The following RIMS1 variants were observed in gnomAD, a reference collection of about 807,000 sequenced individuals.
RIMS1 encodes regulating synaptic membrane exocytosis 1.
Under a neutral mutation model 214.1 loss-of-function variants are expected in RIMS1, and 83 were observed. The observed-to-expected ratio is 0.39, with a 90% confidence interval of 0.32 to 0.47. The LOEUF (loss-of-function observed/expected upper bound fraction) is 0.47, where lower values mean the gene tolerates loss of function less well. RIMS1 is among the 20% of genes least tolerant of loss of function. The probability of loss-of-function intolerance (pLI) is 0.99; values close to 1 mark genes in which losing one functional copy is unlikely to be tolerated. For missense variants in RIMS1, 2,050 were observed against 2,161.8 expected (o/e 0.95, Z 1.03); for synonymous variants, 793 against 786.8 (o/e 1.01, Z -0.13).
intron 2 of RIMS1, among the ~76,000 whole-genome samples, chr6:72,009,360 C>G (rs1230168569): frequency 6.6e-6 from 1 of 152,062 alleles, no homozygotes; most frequent in Admixed American, 6.5e-5. Flanking sequence ...TAAATGCCCA[C>G]AAGAGAAAGC....
intron 6 of RIMS1, among the ~76,000 whole-genome samples, chr6:72,227,446 T>C (rs989838643): frequency 6.6e-6 from 1 of 151,644 alleles, no homozygotes; most frequent in Admixed American, 6.6e-5. Flanking sequence ...ACCTTCTGAG[T>C]CGAATGACTG....
chr6:71,903,762 T>TG (rs1774457087), intron 1 of RIMS1, among the ~76,000 whole-genome samples: 2 of 149,058 alleles, frequency 1.3e-5, no homozygotes, highest in African/African-American at 5.1e-5. Context: ...GTGTGTGTGT[T>TG]TTTTTTTTCC....
chr6:72,076,575 A>G (rs1201042251), intron 2 of RIMS1, among the ~76,000 whole-genome samples: 1 of 152,164 alleles, frequency 6.6e-6, no homozygotes, highest in African/African-American at 2.4e-5. Flanking sequence ...TCTGGGTTCA[A>G]TTTAACATTT....
At chr6:72,143,850 TAAAGCCCC>T (rs1223275527) in intron 4 of RIMS1, among the ~76,000 whole-genome samples, 3 of 152,220 alleles carry the variant, frequency 2.0e-5, no homozygotes, top group Non-Finnish European at 4.4e-5. Context: ...CATTACTGCA[TAAAGCCCC>T]ATTTCTTGAA....
chr6:72,213,040 A>C, intron 6 of RIMS1: 1 of 1,527,808 alleles, frequency 6.5e-7, no homozygotes, highest in South Asian at 1.2e-5. Context: ...CACTCTTCTT[A>C]GATAAGATCT....
At chr6:71,978,625 T>C (rs1192553240) in intron 2 of RIMS1, among the ~76,000 whole-genome samples, 3 of 152,102 alleles carry the variant, frequency 2.0e-5, no homozygotes, top group Admixed American at 1.3e-4. Context: ...TAGTCATATA[T>C]TTTATCATGA....
intron 2 of RIMS1, among the ~76,000 whole-genome samples, chr6:72,022,470 G>A (rs368521301): frequency 2.0e-4 from 30 of 152,152 alleles, no homozygotes; most frequent in African/African-American, 6.7e-4. Flanking sequence ...AATACATTAG[G>A]TACATTTATA....
chr6:72,268,738 G>A (rs901380494), intron 22 of RIMS1, among the ~76,000 whole-genome samples: 1 of 152,152 alleles, frequency 6.6e-6, no homozygotes, highest in Non-Finnish European at 1.5e-5. Flanking sequence ...AAAGGAAACC[G>A]TTTTAGTTTA....
At chr6:71,942,308 C>T (rs1370064149) in intron 1 of RIMS1, among the ~76,000 whole-genome samples, 1 of 152,106 alleles carries the variant, frequency 6.6e-6, no homozygotes, top group African/African-American at 2.4e-5. Context: ...TGCTTAAATC[C>T]TCCCTTGACT....
At chr6:72,148,386 A>T (rs1345529050) in intron 4 of RIMS1, among the ~76,000 whole-genome samples, 1 of 151,188 alleles carries the variant, frequency 6.6e-6, no homozygotes, top group Admixed American at 6.6e-5. Flanking sequence ...AGAGGGGGAG[A>T]AAAAAAAAGA....
At chr6:72,104,459 ACAGG>A (rs1365670623) in intron 4 of RIMS1, among the ~76,000 whole-genome samples, 7 of 152,182 alleles carry the variant, frequency 4.6e-5, no homozygotes, top group African/African-American at 1.7e-4. Flanking sequence ...GATTTCATGG[ACAGG>A]GAGCTCCTGA....
rs555846309 is a variant in RIMS1 at position 72,257,943 on chromosome 6, G to T, written c.2771-182G>T. Among the ~76,000 whole-genome samples the T allele has an allele frequency of 1.4e-3, 213 of 152,262 alleles. 2 individuals carry two copies. Among genetic ancestry groups the T allele is most frequent in the African/African-American group, 4.6e-3 (193 of 41,546 alleles). On this transcript the variant is annotated intron_variant, in intron 16 of 33. Coordinates refer to ENST00000521978, the MANE Select transcript of RIMS1 (RefSeq NM_014989.7). ...AAAACTGTAACCTGTTTCAATGCAT[G>T]TATATGTTACACTCTGTGTAGGTAT...
chr6:72,146,937 T>C (rs755108117), intron 4 of RIMS1, among the ~76,000 whole-genome samples: 4 of 151,882 alleles, frequency 2.6e-5, no homozygotes, highest in East Asian at 2.0e-4. Context: ...TCTGACTCTT[T>C]CCAGCATAAT....
At chr6:72,271,639 A>G (rs1176166421) in intron 22 of RIMS1, among the ~76,000 whole-genome samples, 2 of 152,104 alleles carry the variant, frequency 1.3e-5, no homozygotes, top group Admixed American at 6.6e-5. Context: ...AAGTTTATCA[A>G]TGCCTGGGGG....
chr6:72,183,085 G>C lies in RIMS1; in HGVS notation c.1614G>C (p.Val538=). The C allele has an allele frequency of 6.3e-7, 1 of 1,591,778 alleles. No individual in the cohort carries two copies. Among genetic ancestry groups the C allele is most frequent in the Non-Finnish European group, 8.5e-7 (1 of 1,170,234 alleles). ...MSVSSSEEEG[V]STPEYTSCED... ...TGAGCAGCTCTGAGGAGGAGGGCGT[G>C]TCGACGCCCGAGTACACCAGCTGCG... Residue 538 remains valine (V), a synonymous_variant, in exon 6 of 34, where the codon GTG becomes GTC. Transcript: ENST00000521978.
chr6:71,924,715 G>A (rs1472915052), intron 1 of RIMS1, among the ~76,000 whole-genome samples: 2 of 149,474 alleles, frequency 1.3e-5, no homozygotes, highest in East Asian at 2.0e-4. Flanking sequence ...GCTCAGGTTG[G>A]AGGATGGTTT....
chr6:72,076,416 G>A (rs1042278409), intron 2 of RIMS1, among the ~76,000 whole-genome samples: 2 of 152,122 alleles, frequency 1.3e-5, no homozygotes. Flanking sequence ...GAGGGAGAGG[G>A]TTCTGGTTTC....
chr6:72,139,517 A>G (rs1298209819), intron 4 of RIMS1, among the ~76,000 whole-genome samples: 4 of 152,114 alleles, frequency 2.6e-5, no homozygotes, highest in Admixed American at 2.0e-4. Context: ...CATAGTATAT[A>G]TTGTCAGTGT....
intron 28 of RIMS1, among the ~76,000 whole-genome samples, chr6:72,325,826 T>A (rs1256431666): frequency 6.6e-6 from 1 of 151,862 alleles, no homozygotes. Context: ...TGAGTTCATT[T>A]TTTAGTTCTG....
Sources: allele counts gnomAD v4.1 joint callset (sites outside exome capture counted in the v4.1 genomes callset), GRCh38; gene constraint gnomAD v4.1.1; transcripts MANE v1.5; gene names NCBI Gene and HGNC (gene_info 2026-07-23, HGNC 2026-07-21).